Variants in NMB observed in about 807,000 individuals in gnomAD.
NMB encodes the protein neuromedin-B.
A neutral mutation model predicts 11.7 loss-of-function variants in NMB; 12 were observed. The observed-to-expected ratio is 1.03, with a 90% CI of 0.66 to 1.66. NMB has a LOEUF of 1.66. Ranked by LOEUF, NMB falls within the 40% of genes most tolerant of loss-of-function variation. The probability of loss-of-function intolerance (pLI) is 0.00; values close to 1 mark genes in which losing one functional copy is unlikely to be tolerated. For missense variants in NMB, 174 were observed against 157.9 expected, an observed-to-expected ratio of 1.10 and a Z score of -0.55; for synonymous variants, 76 against 72.6, an observed-to-expected ratio of 1.05 and a Z score of -0.24.
At position 84,655,369 on chromosome 15, in the gene NMB, T is replaced by C. The variant is rs755904481; in HGVS notation, c.*5A>G. The C allele has an allele frequency of 6.2e-7, 1 of 1,614,192 alleles. No individual in the cohort carries two copies. Among genetic ancestry groups the C allele is most frequent in the Non-Finnish European group, 8.5e-7 (1 of 1,180,030 alleles). ...CACGCTGTTGTGTCTGCCCCATTAT[T>C]GGTGTCATTTCTGCAGTATTTGTAC... On this transcript the variant is annotated 3_prime_UTR_variant, in exon 3 of 3. Transcript: ENST00000360476.
In NMB at chr15:84,658,059, G is replaced by A; in HGVS notation, c.94C>T (p.Pro32Ser). Residue 32 changes from proline (P) to serine (S), a missense_variant, in exon 1 of 3, where the codon CCG becomes TCG. By Grantham distance (74) the Pro-to-Ser change is moderately conservative. Around this residue, in one of 2 missense-constraint regions of NMB, gnomAD observed 168 missense variants for 138.4 expected, o/e 1.21. Transcript: ENST00000360476. ...AGVAPLSWDL[P>S]EPRSRASKIR... ...TTGCTGGCTCGGCTGCGGGGCTCCG[G>A]GAGATCCCAGCTGAGCGGGGCGACG... 6.3e-7 allele frequency: 1 copy of A among 1,590,532 alleles called. No homozygotes were observed. The highest frequency in any genetic ancestry group is 2.4e-5 in the East Asian group (1 of 41,596).
At chr15:84,655,499 C>T (rs1198597259) in intron 2 of NMB, 90 bp from the exon 3 acceptor site, 1 of 1,538,210 alleles carries the variant, frequency 6.5e-7, no homozygotes, top group Non-Finnish European at 8.9e-7. Flanking sequence ...CAGATGTCTG[C>T]AGAGGTGGGC....
At chr15:84,656,926 C>T (rs1896789466) in intron 2 of NMB, among the ~76,000 whole-genome samples, 1 of 152,146 alleles carries the variant, frequency 6.6e-6, no homozygotes, top group Non-Finnish European at 1.5e-5. Flanking sequence ...GTCAGGGGAA[C>T]TTCTTTCCCT....
intron 2 of NMB, among the ~76,000 whole-genome samples, 184 bp downstream of exon 2, chr15:84,656,992 C>A (rs1475053217): frequency 6.6e-6 from 1 of 152,198 alleles, no homozygotes; most frequent in Non-Finnish European, 1.5e-5. Context: ...TTGGACTGTT[C>A]CTCCTTTGAG....
At chr15:84,655,444 A>C (rs1896763603) in intron 2 of NMB, 35 bp from the exon 3 acceptor site, 15 of 1,612,022 alleles carry the variant, frequency 9.3e-6, no homozygotes, top group Middle Eastern at 2.0e-4. Context: ...TGAGCCAGGG[A>C]GGGGCTCCTG....
rs374108465 is a variant in NMB at position 84,655,324 on chromosome 15, T to C, written c.*50A>G. On this transcript the variant is annotated 3_prime_UTR_variant, in exon 3 of 3. Transcript: ENST00000360476. ...ACAGGGTCCCATTCAGCACCTTCCC[T>C]GGGTGGGCACAATCTAAGCCACGCT... is the stretch of plus-strand genomic sequence containing the variant. 418 of 1,614,050 alleles carry C rather than the reference T, an allele frequency of 2.6e-4. No homozygotes were observed. Among genetic ancestry groups the C allele is most frequent in the Non-Finnish European group, 3.3e-4 (392 of 1,180,002 alleles).
intron 2 of NMB, among the ~76,000 whole-genome samples, chr15:84,655,655 A>C (rs1596059533): frequency 6.6e-6 from 1 of 152,160 alleles, no homozygotes; most frequent in Non-Finnish European, 1.5e-5. Flanking sequence ...ATCCAAATAC[A>C]GTGCTTGGTG....
intron 2 of NMB, among the ~76,000 whole-genome samples, 191 bp from the exon 3 acceptor site, chr15:84,655,600 A>G (rs746598693): frequency 6.6e-6 from 1 of 152,146 alleles, no homozygotes; most frequent in Non-Finnish European, 1.5e-5. Context: ...CACAGCCCCA[A>G]CCACCCAGGG....
intron 2 of NMB, among the ~76,000 whole-genome samples, chr15:84,656,507 T>TG (rs142606430): frequency 0.018 from 2,640 of 148,032 alleles, 91 homozygotes; most frequent in African/African-American, 0.063. Flanking sequence ...CACAACTTGA[T>TG]GGGGGGGAAA....
intron 2 of NMB, among the ~76,000 whole-genome samples, chr15:84,656,369 C>A (rs1487119101): frequency 6.6e-6 from 1 of 151,860 alleles, no homozygotes; most frequent in Non-Finnish European, 1.5e-5. Context: ...CGGGGCTATA[C>A]CTTGAGGCTA....
chr15:84,657,552 T>C (rs1275868994), intron 1 of NMB, among the ~76,000 whole-genome samples: 3 of 151,974 alleles, frequency 2.0e-5, no homozygotes, highest in Admixed American at 2.0e-4. Flanking sequence ...CCTGAACAGG[T>C]AGAGAGGATG....
chr15:84,657,331 T>G lies in NMB; in HGVS notation c.175A>C (p.Lys59Gln). 6.5e-7 allele frequency: 1 copy of G among 1,545,884 alleles called. No homozygotes were observed. Among genetic ancestry groups the G allele is most frequent in the Middle Eastern group, 1.7e-4 (1 of 5,924 alleles). The change falls in exon 2 of 3, where the codon AAG becomes CAG. Residue 59 changes from lysine (K) to glutamine (Q), a missense_variant. Around this residue, in one of 2 missense-constraint regions of NMB, gnomAD observed 168 missense variants for 138.4 expected, o/e 1.21. Transcript: ENST00000360476. ...GATGGGCTGGAAGGCTCCAGACTCT[T>G]CTTGCCCATGAAGTGACCTGGAAAG... The part of the protein sequence containing the change: ...LWATGHFMGK[K>Q]SLEPSSPSPL...
rs752401077 is a variant in NMB, at chr15:84,657,308, T to C, written c.198A>G (p.Pro66=). The C allele has an allele frequency of 6.3e-5, 100 of 1,584,418 alleles. No individual in the cohort carries two copies. The highest frequency in any genetic ancestry group is 8.6e-5 in the Non-Finnish European group (100 of 1,164,878). Residue 66 remains proline (P), a synonymous_variant, in exon 2 of 3, where the codon CCA becomes CCG. Transcript: ENST00000360476. ...TGTGGGGAGCTGTCCCCAATGGGGA[T>C]GGGCTGGAAGGCTCCAGACTCTTCT... ...MGKKSLEPSS[P]SPLGTAPHTS... is the part of the protein sequence containing the mutation.
chr15:84,658,138 C>T lies in NMB; in HGVS notation c.15G>A (p.Ala5=), dbSNP rs753051745. 8.0e-6 allele frequency: 12 copies of T among 1,509,368 alleles called. No individual in the cohort carries two copies. The African/African-American group carries it at 1.4e-4, about 18-fold the overall frequency. The allele number at this position is 1,509,368 out of a possible 1,614,324, so 93.5% of individuals were successfully genotyped here. A position where few individuals can be genotyped will look rare whatever the true frequency, so the allele number is the denominator to read the frequency against. MARR[A]GGARMFGSLL... ...GGCTGCCGAACATCCGAGCGCCCCC[C>T]GCCCGCCGGGCCATGGCTGTGCCCG... is the stretch of plus-strand genomic sequence containing the variant. Residue 5 remains alanine, a synonymous_variant, in exon 1 of 3, where the codon GCG becomes GCA. Coordinates refer to ENST00000360476, the MANE Select transcript of NMB (RefSeq NM_021077.4).
At chr15:84,657,134 C>T (rs757418010) in intron 2 of NMB, 42 bp downstream of exon 2, 3 of 1,580,826 alleles carry the variant, frequency 1.9e-6, no homozygotes, top group South Asian at 2.3e-5. Flanking sequence ...GGGGATGGCC[C>T]CAGCTGGGCC....
Position 84,655,377 on chromosome 15 carries a change from T to C in NMB, c.363A>G (p.Lys121=). The change falls in exon 3 of 3, where the codon AAA becomes AAG. Residue 121 remains lysine (K), a synonymous_variant. Transcript: ENST00000360476. The stretch of plus-strand genomic sequence containing the variant: ...TGTGTCTGCCCCATTATTGGTGTCA[T>C]TTCTGCAGTATTTGTACCAGCAGCC... ...YRRLLVQILQ[K] The C allele has an allele frequency of 6.2e-7, 1 of 1,614,202 alleles. No homozygotes were observed. Among genetic ancestry groups the C allele is most frequent in the Non-Finnish European group, 8.5e-7 (1 of 1,180,034 alleles).
At position 84,657,330 on chromosome 15, in the gene NMB, TTC is replaced by T. The variant is rs2141853394; in HGVS notation, c.174_175del (p.Lys59GlufsTer28). ...GGATGGGCTGGAAGGCTCCAGACTC[TTC>T]TTGCCCATGAAGTGACCTGGAAAGG... On this transcript the variant is annotated frameshift_variant, in exon 2 of 3. Coordinates refer to ENST00000360476, the MANE Select transcript of NMB (RefSeq NM_021077.4). LOFTEE classifies it high-confidence loss of function. The T allele has an allele frequency of 4.5e-6, 7 of 1,545,116 alleles. No homozygotes were observed. The highest frequency in any genetic ancestry group is 5.2e-6 in the Non-Finnish European group (6 of 1,146,090).
chr15:84,657,728 G>A (rs1222393262), intron 1 of NMB, among the ~76,000 whole-genome samples: 1 of 152,180 alleles, frequency 6.6e-6, no homozygotes, highest in African/African-American at 2.4e-5. Flanking sequence ...TAGAAGATTC[G>A]GTTAAGTCTC....
chr15:84,656,515 A>G lies in NMB; in HGVS notation c.330+661T>C, dbSNP rs1015321246. ...CAGTTGTCACAACTTGATGGGGGGG[A>G]AAGATGCTACTGGCATCTAGTATGT... On this transcript the variant is annotated intron_variant, in intron 2 of 2. Coordinates refer to ENST00000360476, the MANE Select transcript of NMB (RefSeq NM_021077.4). Among the ~76,000 whole-genome samples the G allele has an allele frequency of 5.1e-4, 76 of 148,712 alleles. 1 individual carries two copies. The highest frequency in any genetic ancestry group is 7.6e-5 in the African/African-American group (3 of 39,710).
Sources: gnomAD v4.1 joint callset for allele counts (sites outside exome capture counted in the v4.1 genomes callset) on GRCh38, gnomAD v4.1.1 for gene constraint, gnomAD v4.1.1 regional missense constraint, MANE v1.5 for transcripts, NCBI Gene and HGNC (gene_info 2026-07-23, HGNC 2026-07-21) for gene names.